CTNNA3: variants seen among roughly 807,000 people sequenced by gnomAD.
The protein encoded by CTNNA3 is catenin alpha 3.
Under a neutral mutation model 95.7 loss-of-function variants are expected in CTNNA3, and 76 were observed. The ratio of observed to expected loss-of-function variants is 0.79; its 90% CI spans 0.66 to 0.96. The LOEUF (loss-of-function observed/expected upper bound fraction) is 0.96. Ranked by LOEUF, CTNNA3 falls within the 40% of genes least tolerant of loss-of-function variation. CTNNA3 has a pLI of 0.00. For missense variants in CTNNA3, 1,191 were observed against 1,089.8 expected (o/e 1.09, Z -1.31); for synonymous variants, 431 against 374.4 (o/e 1.15, Z -1.74).
chr10:67,420,312 A>G (rs1261818795), intron 5 of CTNNA3, among the ~76,000 whole-genome samples: 2 of 152,184 alleles, frequency 1.3e-5, no homozygotes. Flanking sequence ...CTCTTTTTCA[A>G]TATTTCTAAA....
At chr10:66,438,015 T>C (rs11817125) in intron 11 of CTNNA3, among the ~76,000 whole-genome samples, 40,265 of 152,038 alleles carry the variant, frequency 0.26, 5,496 homozygotes, top group South Asian at 0.39. Flanking sequence ...TGCCTACGTA[T>C]CACCAGTGGA....
At chr10:66,311,708 A>G (rs1455443857) in intron 12 of CTNNA3, among the ~76,000 whole-genome samples, 3 of 152,230 alleles carry the variant, frequency 2.0e-5, no homozygotes, top group Non-Finnish European at 1.5e-5. Flanking sequence ...TCAGAAAGAT[A>G]CCACAACTAA....
intron 11 of CTNNA3, among the ~76,000 whole-genome samples, chr10:66,509,152 A>C (rs1360091327): frequency 6.6e-6 from 1 of 152,002 alleles, no homozygotes; most frequent in Non-Finnish European, 1.5e-5. Flanking sequence ...GATTTTGAGC[A>C]TTTTTCCATA....
At chr10:67,696,449 A>G (rs1419490930), upstream of CTNNA3, among the ~76,000 whole-genome samples, 1 of 152,240 alleles carries the variant, frequency 6.6e-6, no homozygotes, top group Non-Finnish European at 1.5e-5. Flanking sequence ...GGAAAACAAG[A>G]GTCCAGGAAA....
At chr10:67,522,265 C>A (rs1027406162) in intron 4 of CTNNA3, among the ~76,000 whole-genome samples, 1 of 152,142 alleles carries the variant, frequency 6.6e-6, no homozygotes. Flanking sequence ...GGATATACTT[C>A]TGCTTTAAAA....
intron 7 of CTNNA3, among the ~76,000 whole-genome samples, chr10:66,981,181 G>A (rs905876200): frequency 2.6e-5 from 4 of 152,212 alleles, no homozygotes; most frequent in Admixed American, 6.5e-5. Context: ...TGGGATTACA[G>A]GCGTGAGCCA....
chr10:66,520,703 T>C lies in CTNNA3; in HGVS notation c.1445A>G (p.Tyr482Cys), dbSNP rs1841032825. ...SQAVKNTMEM[Y>C]KRTWENHIHV... ...TATATGATTCTCCCATGTACGCTTG[T>C]ACATTTCCATGGTGTTTTTGACCGC... Residue 482 changes from tyrosine (Y) to cysteine (C), a missense_variant, in exon 11 of 18, where the codon TAC becomes TGC. By Grantham distance (194) the Tyr-to-Cys change is radical. Transcript: ENST00000433211. 1.9e-6 allele frequency: 3 copies of C among 1,612,514 alleles called. No homozygotes were observed. The highest frequency in any genetic ancestry group is 2.5e-6 in the Non-Finnish European group (3 of 1,179,216).
chr10:66,360,643 C>CT (rs771942332), intron 12 of CTNNA3, among the ~76,000 whole-genome samples: 1,325 of 61,814 alleles, frequency 0.021, 47 homozygotes, highest in East Asian at 0.037. Context: ...TTCTTTCTTT[C>CT]TTTCTTTCTT....
chr10:67,143,518 A>G (rs1270478319), intron 7 of CTNNA3, among the ~76,000 whole-genome samples: 1 of 151,144 alleles, frequency 6.6e-6, no homozygotes, highest in Non-Finnish European at 1.5e-5. Context: ...ATTGTAGTCA[A>G]TCCTCTCAAA....
chr10:67,116,208 G>A (rs1203046940), intron 7 of CTNNA3, among the ~76,000 whole-genome samples: 2 of 151,884 alleles, frequency 1.3e-5, no homozygotes. Context: ...TTTCCCCAAA[G>A]CAGATGAATC....
At chr10:66,197,654 G>A (rs546663733) in intron 13 of CTNNA3, among the ~76,000 whole-genome samples, 2 of 152,244 alleles carry the variant, frequency 1.3e-5, no homozygotes, top group South Asian at 2.1e-4. Flanking sequence ...GAGACCAAGA[G>A]GCCAGTGAAA....
chr10:66,606,828 AT>A (rs1301360843), intron 10 of CTNNA3, among the ~76,000 whole-genome samples: 1 of 152,124 alleles, frequency 6.6e-6, no homozygotes, highest in African/African-American at 2.4e-5. Flanking sequence ...AGTTAGAAAG[AT>A]CTCAAGTTAA....
At chr10:67,295,430 G>A (rs947001638) in intron 5 of CTNNA3, among the ~76,000 whole-genome samples, 1 of 152,158 alleles carries the variant, frequency 6.6e-6, no homozygotes, top group Non-Finnish European at 1.5e-5. Flanking sequence ...AGATATACAG[G>A]TACTTTCTAA....
chr10:66,247,414 T>C (rs2090378682), intron 13 of CTNNA3, among the ~76,000 whole-genome samples: 1 of 152,164 alleles, frequency 6.6e-6, no homozygotes. Flanking sequence ...CTACTTTCTA[T>C]AGGATTAGAA....
intron 12 of CTNNA3, among the ~76,000 whole-genome samples, chr10:66,375,600 A>T (rs77422963): frequency 6.6e-6 from 1 of 151,944 alleles, no homozygotes; most frequent in African/African-American, 2.4e-5. Flanking sequence ...AAAAAAAAAA[A>T]GCATGTTTTA....
At chr10:66,301,801 T>C (rs539444500) in intron 12 of CTNNA3, among the ~76,000 whole-genome samples, 29 of 151,978 alleles carry the variant, frequency 1.9e-4, no homozygotes, top group African/African-American at 6.5e-4. Flanking sequence ...CCCACTAAGA[T>C]CAGGAAGAAG....
chr10:66,336,668 A>G (rs1278155044), intron 12 of CTNNA3, among the ~76,000 whole-genome samples: 3 of 152,064 alleles, frequency 2.0e-5, no homozygotes, highest in African/African-American at 7.2e-5. Context: ...AATATTCCAA[A>G]AATTTCACAT....
chr10:65,920,665 T>C, intron 17 of CTNNA3, 48 bp from the exon 18 acceptor site: 2 of 1,581,660 alleles, frequency 1.3e-6, no homozygotes, highest in Non-Finnish European at 1.7e-6. Flanking sequence ...GGAGGTTTTG[T>C]TAATTATTGC....
intron 1 of CTNNA3, among the ~76,000 whole-genome samples, chr10:67,741,266 A>G (rs1442261840): frequency 6.7e-6 from 1 of 150,296 alleles, no homozygotes; most frequent in African/African-American, 2.4e-5. Flanking sequence ...CTATGTAACT[A>G]ACCTGCACAT....
Sources: gnomAD v4.1 joint callset for allele counts (sites outside exome capture counted in the v4.1 genomes callset) on GRCh38, gnomAD v4.1.1 for gene constraint, MANE v1.5 for transcripts, NCBI Gene and HGNC (gene_info 2026-07-23, HGNC 2026-07-21) for gene names.